ZNF98: variants seen among roughly 807,000 people sequenced by gnomAD.
ZNF98 encodes zinc finger protein 98.
A neutral mutation model predicts 12.8 loss-of-function variants in ZNF98; 8 were observed. The ratio of observed to expected loss-of-function variants is 0.63; its 90% CI spans 0.37 to 1.13. The LOEUF is 1.13. ZNF98 is among the 50% of genes most tolerant of loss of function. The pLI is 0.01. For missense variants in ZNF98, 379 were observed against 666.1 expected, an observed-to-expected ratio of 0.57 and a Z score of 4.74; for synonymous variants, 112 against 223.5, an observed-to-expected ratio of 0.50 and a Z score of 4.45.
chr19:22,401,774 C>T (rs1362628071), intron 3 of ZNF98, among the ~76,000 whole-genome samples: 1 of 151,728 alleles, frequency 6.6e-6, no homozygotes, highest in African/African-American at 2.4e-5. Context: ...CGTGAGCCAC[C>T]ATGCCCGGCT....
Position 22,392,754 on chromosome 19 carries a change from T to C in ZNF98, c.481A>G (p.Lys161Glu). The change falls in exon 4 of 4, where the codon AAA becomes GAA. Residue 161 changes from lysine to glutamate, a missense_variant. By Grantham distance (56) the Lys-to-Glu change is moderately conservative. This residue lies in a region of ZNF98 where 223 missense variants were observed against 261.6 expected (regional missense o/e 0.85). Transcript: ENST00000357774. ...NKIFQYDKYV[K>E]VFHKFSNSNR... ...GAATTTGAAAATTTATGAAAGACTT[T>C]CACATATTTGTCATATTGAAATATT... The C allele has an allele frequency of 2.5e-6, 4 of 1,610,186 alleles. No individual in the cohort carries two copies. The highest frequency in any genetic ancestry group is 2.2e-5 in the South Asian group (2 of 90,568).
At chr19:22,408,542 T>C (rs888624780) in intron 1 of ZNF98, among the ~76,000 whole-genome samples, 1 of 152,134 alleles carries the variant, frequency 6.6e-6, no homozygotes, top group South Asian at 2.1e-4. Context: ...ATTTAGAAAA[T>C]TCTGTCATCT....
At chr19:22,393,320 C>T (rs1282911729) in intron 3 of ZNF98, among the ~76,000 whole-genome samples, 3 of 152,078 alleles carry the variant, frequency 2.0e-5, no homozygotes, top group Admixed American at 1.3e-4. Flanking sequence ...GTTTCATTTT[C>T]AAAAGACAAG....
Position 22,411,658 on chromosome 19 carries a change from CATAT to C in ZNF98, c.31-8150_31-8147del, listed in dbSNP as rs372118500. 5.8e-4 allele frequency among the ~76,000 whole-genome samples: 88 copies of C among 152,332 alleles called. 1 individual carries two copies. In the East Asian group the frequency reaches 0.013, roughly 23 times the overall value. ...TTTACTTAGCTGTTAATATAATTTA[CATAT>C]ATTTCAAAAAAGCAGAGAAAAATAT... On this transcript the variant is annotated intron_variant, in intron 1 of 3. Coordinates refer to ENST00000357774, the MANE Select transcript of ZNF98 (RefSeq NM_001098626.2).
In ZNF98 at chr19:22,422,107, G is replaced by A. The variant is rs558105586; in HGVS notation, c.30+88C>T. On this transcript the variant is annotated intron_variant, in intron 1 of 3. Coordinates refer to ENST00000357774, the MANE Select transcript of ZNF98 (RefSeq NM_001098626.2). ...GGCACGGATTGTGGAGCTGACAGCG[G>A]GGAGGCCTGAGTCCCGCCACAGCCT... 1.6e-5 allele frequency: 24 copies of A among 1,519,474 alleles called. No individual in the cohort carries two copies. The Admixed American group carries it at 2.0e-4, about 13-fold the overall frequency. 94.1% of individuals were successfully genotyped at this position (1,519,474 alleles called of 1,614,324 possible).
intron 3 of ZNF98, among the ~76,000 whole-genome samples, chr19:22,394,834 A>T (rs1425196846): frequency 2.6e-5 from 4 of 152,312 alleles, no homozygotes; most frequent in East Asian, 3.9e-4. Context: ...TTACAGCAGC[A>T]GAAAGACTGT....
chr19:22,391,269 A>T lies in ZNF98; in HGVS notation c.*247T>A. 1 of 716,358 alleles carries T rather than the reference A, an allele frequency of 1.4e-6. No homozygotes were observed. Among genetic ancestry groups the T allele is most frequent in the South Asian group, 2.6e-5 (1 of 39,214 alleles). The allele number at this position is 716,358 out of a possible 1,614,324, so 44.4% of individuals were successfully genotyped here. On this transcript the variant is annotated 3_prime_UTR_variant, in exon 4 of 4. Transcript: ENST00000357774. ...TCTTTTGACAGTAATTGCACCTTTA[A>T]TGCTATTAAGTATAAATTCTCTGAT...
intron 1 of ZNF98, among the ~76,000 whole-genome samples, chr19:22,409,227 G>C (rs10420395): frequency 0.017 from 2,586 of 152,196 alleles, 72 homozygotes; most frequent in African/African-American, 0.059. Context: ...TGAGAAAACC[G>C]GCTAGCCATA....
At chr19:22,398,756 T>C (rs905741749) in intron 3 of ZNF98, among the ~76,000 whole-genome samples, 1 of 152,016 alleles carries the variant, frequency 6.6e-6, no homozygotes, top group African/African-American at 2.4e-5. Flanking sequence ...ATTATAAACC[T>C]TTCCAAAAAT....
chr19:22,405,640 A>G (rs1472204780), intron 1 of ZNF98, among the ~76,000 whole-genome samples: 1 of 152,170 alleles, frequency 6.6e-6, no homozygotes, highest in African/African-American at 2.4e-5. Flanking sequence ...TAGGGTCCCA[A>G]CCCCAGAGCT....
intron 1 of ZNF98, among the ~76,000 whole-genome samples, chr19:22,412,654 A>AAG (rs1027602437): frequency 6.6e-6 from 1 of 151,882 alleles, no homozygotes; most frequent in African/African-American, 2.4e-5. Flanking sequence ...AAAAAAAAAA[A>AAG]AGATAAATTC....
intron 1 of ZNF98, among the ~76,000 whole-genome samples, chr19:22,415,618 CAAAAA>C (rs56046308): frequency 7.7e-6 from 1 of 130,504 alleles, no homozygotes; most frequent in African/African-American, 2.9e-5. Flanking sequence ...ACAAAAAATA[CAAAAA>C]AAAAAAAAAA....
At chr19:22,415,666 C>T (rs1969631596) in intron 1 of ZNF98, among the ~76,000 whole-genome samples, 2 of 150,590 alleles carry the variant, frequency 1.3e-5, no homozygotes, top group African/African-American at 4.9e-5. Context: ...TGCCTGCAGT[C>T]TCAGCTATGT....
At chr19:22,415,583 C>T (rs1342448256) in intron 1 of ZNF98, among the ~76,000 whole-genome samples, 1 of 135,676 alleles carries the variant, frequency 7.4e-6, no homozygotes, top group Non-Finnish European at 1.5e-5. Flanking sequence ...GGCCACCCAG[C>T]GGAACATGGC....
At chr19:22,407,663 G>A (rs1301839498) in intron 1 of ZNF98, among the ~76,000 whole-genome samples, 3 of 151,890 alleles carry the variant, frequency 2.0e-5, no homozygotes, top group African/African-American at 7.2e-5. Flanking sequence ...AGTGAGCCGA[G>A]ATAATGCCAC....
chr19:22,420,542 A>G (rs1030282122), intron 1 of ZNF98, among the ~76,000 whole-genome samples: 1 of 152,118 alleles, frequency 6.6e-6, no homozygotes, highest in African/African-American at 2.4e-5. Context: ...TAATGTCTCA[A>G]GGGGTTAGCT....
chr19:22,392,255 C>T lies in ZNF98; in HGVS notation c.980G>A (p.Cys327Tyr). The change falls in exon 4 of 4, where the codon TGT (cysteine) becomes TAT (tyrosine). Residue 327 changes from cysteine to tyrosine, a missense_variant. Cys to Tyr is a radical substitution (Grantham distance 194, BLOSUM62 -2). Around this residue, in one of 8 missense-constraint regions of ZNF98, gnomAD observed 9 missense variants for 94.5 expected, o/e 0.10. Coordinates refer to ENST00000357774, the MANE Select transcript of ZNF98 (RefSeq NM_001098626.2). ...AGEKPYKCEECGKAFSQSSTL... is the reference protein window; with the variant it reads ...AGEKPYKCEEYGKAFSQSSTL... ...TGAGGACTGGCTAAAAGCTTTGCCACATTCTTCACATTTGTAAGGTTTCTC... is the reference window on the plus strand; with the variant it reads ...TGAGGACTGGCTAAAAGCTTTGCCATATTCTTCACATTTGTAAGGTTTCTC... 1.3e-6 allele frequency: 2 copies of T among 1,588,410 alleles called. No homozygotes were observed. The highest frequency in any genetic ancestry group is 1.7e-6 in the Non-Finnish European group (2 of 1,168,802).
At position 22,391,448 on chromosome 19, in the gene ZNF98, G is replaced by C. The variant is rs372962704; in HGVS notation, c.*68C>G. The C allele has an allele frequency of 7.2e-4, 1,073 of 1,500,090 alleles. 4 individuals carry two copies. In the African/African-American group the frequency reaches 0.014, roughly 19 times the overall value. 92.9% of individuals were successfully genotyped at this position (1,500,090 alleles called of 1,614,324 possible). On this transcript the variant is annotated 3_prime_UTR_variant, in exon 4 of 4. Coordinates refer to ENST00000357774, the MANE Select transcript of ZNF98 (RefSeq NM_001098626.2). ...TTCACACTTGTAGAAGTTTTCTCCAGAATGAATTACCTTACCTACAATCCA... is the reference window on the plus strand; with the variant it reads ...TTCACACTTGTAGAAGTTTTCTCCACAATGAATTACCTTACCTACAATCCA...
intron 3 of ZNF98, among the ~76,000 whole-genome samples, chr19:22,396,725 C>T (rs1306945836): frequency 6.6e-6 from 1 of 151,988 alleles, no homozygotes; most frequent in Non-Finnish European, 1.5e-5. Context: ...CAGAAGAAAT[C>T]AAGATAGTAT....
Sources: gnomAD v4.1 joint callset for allele counts (sites outside exome capture counted in the v4.1 genomes callset) on GRCh38, gnomAD v4.1.1 for gene constraint, gnomAD v4.1.1 regional missense constraint, MANE v1.5 for transcripts, NCBI Gene and HGNC (gene_info 2026-07-23, HGNC 2026-07-21) for gene names.